Variants in LPCAT1 observed in about 807,000 individuals in gnomAD.
LPCAT1 encodes the protein 1-acylglycerol-3-phosphate O-acyltransferase.
In LPCAT1, 23 loss-of-function variants were observed where a neutral mutation model predicts 60.9. The observed-to-expected ratio is 0.38, with a 90% CI of 0.27 to 0.53. The LOEUF (loss-of-function observed/expected upper bound fraction) is 0.53. Ranked by LOEUF, LPCAT1 falls within the 20% of genes least tolerant of loss-of-function variation. LPCAT1 has a pLI of 0.82. For synonymous variants in LPCAT1, 340 were observed against 301.1 expected, an observed-to-expected ratio of 1.13 and a Z score of -1.34; for missense variants, 622 against 723.6, an observed-to-expected ratio of 0.86 and a Z score of 1.61.
At chr5:1,466,628 TG>T in intron 13 of LPCAT1, 120 bp downstream of exon 13, 1 of 1,119,418 alleles carries the variant, frequency 8.9e-7, no homozygotes. Flanking sequence ...CAGGGCAGCC[TG>T]GTGAATGGAG....
At chr5:1,473,681 A>G (rs976003715) in intron 11 of LPCAT1, among the ~76,000 whole-genome samples, 5 of 152,214 alleles carry the variant, frequency 3.3e-5, no homozygotes, top group African/African-American at 1.2e-4. Flanking sequence ...GCTGGGTGTC[A>G]CAGTTTGATA....
In LPCAT1 at chr5:1,477,169, C is replaced by G. The variant is rs1734952888; in HGVS notation, c.899+235G>C. Among the ~76,000 whole-genome samples the G allele has an allele frequency of 6.6e-6, 1 of 152,214 alleles. No individual in the cohort carries two copies. Among genetic ancestry groups the G allele is most frequent in the South Asian group, 2.1e-4 (1 of 4,834 alleles). On this transcript the variant is annotated intron_variant, in intron 9 of 13. Transcript: ENST00000283415. The surrounding 1 kb of genome is among the most constrained non-coding windows in gnomAD (Gnocchi z 6.0). ...GGGTGACCAACGGCTGCAGGCAGGTCTGGAAGAACCAGTCATGCATCTTCC... is the reference window on the plus strand; with the variant it reads ...GGGTGACCAACGGCTGCAGGCAGGTGTGGAAGAACCAGTCATGCATCTTCC...
chr5:1,500,746 G>T (rs977944875), intron 2 of LPCAT1, among the ~76,000 whole-genome samples: 2 of 152,254 alleles, frequency 1.3e-5, no homozygotes, highest in Non-Finnish European at 2.9e-5. Context: ...TTATGATGCG[G>T]CAACCTGTTC....
rs1418403556 is a variant in LPCAT1, at chr5:1,462,308, TTC to T, written c.*1341_*1342del. The T allele has an allele frequency of 6.6e-6, 1 of 152,570 alleles. No homozygotes were observed. The highest frequency in any genetic ancestry group is 1.5e-5 in the Non-Finnish European group (1 of 68,030). 9.5% of individuals were successfully genotyped at this position (152,570 alleles called of 1,614,324 possible). ...TTGTGCTTGAAGGATGGGTTTCTAA[TTC>T]TGTCATAAAAAATGATGAAACAAGG... On this transcript the variant is annotated 3_prime_UTR_variant, in exon 14 of 14. Coordinates refer to ENST00000283415, the MANE Select transcript of LPCAT1 (RefSeq NM_024830.5).
At chr5:1,488,318 A>T (rs1735445930) in intron 5 of LPCAT1, 73 bp downstream of exon 5, 2 of 968,866 alleles carry the variant, frequency 2.1e-6, no homozygotes, top group Non-Finnish European at 3.2e-6. Flanking sequence ...TGCACAGCAC[A>T]TTATTAAAAA....
In LPCAT1 at chr5:1,463,768, T is replaced by C. The variant is rs779650512; in HGVS notation, c.1488A>G (p.Thr496=). The part of the protein sequence containing the change: ...FAEEYLYPDQ[T]HFESCAETSP... ...AGGTCTCTGCACAGCTTTCGAAATG[T>C]GTCTGATCCGGGTACAGGTATTCCT... Residue 496 remains threonine, a synonymous_variant, in exon 14 of 14, where the codon ACA becomes ACG. Coordinates refer to ENST00000283415, the MANE Select transcript of LPCAT1 (RefSeq NM_024830.5). The C allele has an allele frequency of 1.9e-6, 3 of 1,614,158 alleles. No individual in the cohort carries two copies. The highest frequency in any genetic ancestry group is 1.7e-6 in the Non-Finnish European group (2 of 1,180,056).
At chr5:1,492,661 C>A (rs1035177591) in intron 3 of LPCAT1, among the ~76,000 whole-genome samples, 6 of 152,224 alleles carry the variant, frequency 3.9e-5, no homozygotes, top group African/African-American at 1.4e-4. Context: ...CTTCCTGCTG[C>A]GCCGAGATGA....
In LPCAT1 at chr5:1,463,583, A is replaced by T. The variant is rs1390184182; in HGVS notation, c.*68T>A. On this transcript the variant is annotated 3_prime_UTR_variant, in exon 14 of 14. Transcript: ENST00000283415. ...GAGTGAGGAGCGGAGCCCAGAGGTC[A>T]CTCGCAAAGAGGCTCATGGCGGTGA... 7 of 1,547,356 alleles carry T rather than the reference A, an allele frequency of 4.5e-6. No homozygotes were observed. Among genetic ancestry groups the T allele is most frequent in the Non-Finnish European group, 6.2e-6 (7 of 1,133,344 alleles).
At chr5:1,499,583 T>C (rs958176576) in intron 2 of LPCAT1, among the ~76,000 whole-genome samples, 1 of 152,190 alleles carries the variant, frequency 6.6e-6, no homozygotes, top group African/African-American at 2.4e-5. Flanking sequence ...ATTTTAAAAA[T>C]CTAGAAAGGC....
chr5:1,467,959 C>T (rs1378699295), intron 12 of LPCAT1, among the ~76,000 whole-genome samples: 7 of 152,184 alleles, frequency 4.6e-5, no homozygotes, highest in Admixed American at 3.3e-4. Flanking sequence ...TGCTGCAGCG[C>T]GCTGTGATCT....
At position 1,488,380 on chromosome 5, in the gene LPCAT1, A is replaced by C. The variant is rs540594725; in HGVS notation, c.667+11T>G. The C allele has an allele frequency of 1.2e-5, 18 of 1,540,430 alleles. No individual in the cohort carries two copies. The East Asian group carries it at 3.6e-4, about 31-fold the overall frequency. On this transcript the variant is annotated intron_variant, in intron 5 of 13. Coordinates refer to ENST00000283415, the MANE Select transcript of LPCAT1 (RefSeq NM_024830.5). The stretch of plus-strand genomic sequence containing the variant: ...CTAGGAGAAAAATAAACATTTAAGA[A>C]AACTACATACCAGGTTTGAAGGTAA...
In LPCAT1 at chr5:1,483,826, CTG is replaced by C. The variant is rs1735262963; in HGVS notation, c.668-342_668-341del. On this transcript the variant is annotated intron_variant, in intron 5 of 13. Coordinates refer to ENST00000283415, the MANE Select transcript of LPCAT1 (RefSeq NM_024830.5). This position sits in a 1 kb window ranked among gnomAD's most constrained non-coding sequence, Gnocchi z 9.2. ...GACATCCGTGGAGGGACACTTTCTGCTGTAACATCGCGCACCAGCTGGAAGGC... is the reference window on the plus strand; with the variant it reads ...GACATCCGTGGAGGGACACTTTCTGCTAACATCGCGCACCAGCTGGAAGGC... 1.1e-4 allele frequency among the ~76,000 whole-genome samples: 15 copies of C among 133,698 alleles called. 1 individual carries two copies. In the South Asian group the frequency reaches 3.5e-3, roughly 31 times the overall value. 87.7% of individuals were successfully genotyped at this position (133,698 alleles called of 152,430 possible).
In LPCAT1 at chr5:1,480,342, A is replaced by C. The variant is rs558403598; in HGVS notation, c.761+600T>G. On this transcript the variant is annotated intron_variant, in intron 7 of 13. Coordinates refer to ENST00000283415, the MANE Select transcript of LPCAT1 (RefSeq NM_024830.5). This position sits in a 1 kb window ranked among gnomAD's most constrained non-coding sequence, Gnocchi z 6.4. ...GCACCAGCGGACCCACATCCTCCCA[A>C]ACGCCTGGAATGGAGCTGCTCTCTC... 118 of 984,778 alleles carry C rather than the reference A, an allele frequency of 1.2e-4. No homozygotes were observed. The African/African-American group carries it at 1.9e-3, about 16-fold the overall frequency. The allele number at this position is 984,778 out of a possible 1,614,324, so 61.0% of individuals were successfully genotyped here.
At chr5:1,479,058 T>A (rs553905332) in intron 8 of LPCAT1, among the ~76,000 whole-genome samples, 1 of 152,256 alleles carries the variant, frequency 6.6e-6, no homozygotes, top group African/African-American at 2.4e-5. Flanking sequence ...CAGCTTCATA[T>A]GTCCTTAAGC....
Position 1,480,911 on chromosome 5 carries a change from G to A in LPCAT1, c.761+31C>T. On this transcript the variant is annotated intron_variant, in intron 7 of 13. Coordinates refer to ENST00000283415, the MANE Select transcript of LPCAT1 (RefSeq NM_024830.5). The surrounding 1 kb of genome is among the most constrained non-coding windows in gnomAD (Gnocchi z 6.4). Reference sequence around the variant, plus strand: ...CCCCTACGTGTTCATGGAACAACAGGACAAAGAGGACGACACGGCGTTCAA... The same window carrying A: ...CCCCTACGTGTTCATGGAACAACAGAACAAAGAGGACGACACGGCGTTCAA... 1 of 1,613,602 alleles carries A rather than the reference G, an allele frequency of 6.2e-7. No homozygotes were observed. The highest frequency in any genetic ancestry group is 8.5e-7 in the Non-Finnish European group (1 of 1,179,790).
chr5:1,475,211 C>G (rs191015989), intron 9 of LPCAT1, among the ~76,000 whole-genome samples: 3 of 152,276 alleles, frequency 2.0e-5, no homozygotes, highest in Admixed American at 2.0e-4. Flanking sequence ...ATCGGTGCCT[C>G]TCTAGTCCTA....
Position 1,481,747 on chromosome 5 carries a change from C to A in LPCAT1, c.727-771G>T, listed in dbSNP as rs116547270. Among the ~76,000 whole-genome samples the A allele has an allele frequency of 2.8e-3, 432 of 152,372 alleles. 3 individuals carry two copies. Among genetic ancestry groups the A allele is most frequent in the African/African-American group, 9.9e-3 (410 of 41,590 alleles). The stretch of plus-strand genomic sequence containing the variant: ...AGGAGTTGCACTGGGGCATGGTTTC[C>A]GCAGCGGAGGCAGGAAGGGGCCCTT... On this transcript the variant is annotated intron_variant, in intron 6 of 13. Coordinates refer to ENST00000283415, the MANE Select transcript of LPCAT1 (RefSeq NM_024830.5). This position sits in a 1 kb window ranked among gnomAD's most constrained non-coding sequence, Gnocchi z 7.8.
chr5:1,504,357 G>A (rs74678824), intron 1 of LPCAT1, among the ~76,000 whole-genome samples: 6,602 of 152,326 alleles, frequency 0.043, 154 homozygotes, highest in Middle Eastern at 0.085. Flanking sequence ...ACCTGGTCCC[G>A]GGGCTCCAGG....
chr5:1,523,362 G>A lies in LPCAT1; in HGVS notation c.135+348C>T, dbSNP rs1316795065. Among the ~76,000 whole-genome samples the A allele has an allele frequency of 6.6e-6, 1 of 151,840 alleles. No homozygotes were observed. Among genetic ancestry groups the A allele is most frequent in the East Asian group, 1.9e-4 (1 of 5,186 alleles). ...CCAGCCTCCCGCGGGAGCCGAGGTC[G>A]GGGCTCTGGGAGGCAGAGAAAGGGT... On this transcript the variant is annotated intron_variant, in intron 1 of 13. Transcript: ENST00000283415. This position sits in a 1 kb window ranked among gnomAD's most constrained non-coding sequence, Gnocchi z 7.1.
Sources: allele counts gnomAD v4.1 joint callset (sites outside exome capture counted in the v4.1 genomes callset), GRCh38; gene constraint gnomAD v4.1.1; non-coding constraint Gnocchi (gnomAD v3.1); transcripts MANE v1.5; gene names NCBI Gene and HGNC (gene_info 2026-07-23, HGNC 2026-07-21).